TRIM2: variants seen among roughly 807,000 people sequenced by gnomAD.
TRIM2 encodes tripartite motif-containing protein 2.
In TRIM2, 20 loss-of-function variants were observed where a neutral mutation model predicts 75.2. The observed-to-expected ratio is 0.27, with a 90% confidence interval of 0.19 to 0.39. The LOEUF (loss-of-function observed/expected upper bound fraction) is 0.39. TRIM2 is among the 10% of genes least tolerant of loss of function. The pLI is 1.00. For missense variants in TRIM2, 660 were observed against 990.8 expected (o/e 0.67, Z 4.48); for synonymous variants, 373 against 388.3 (o/e 0.96, Z 0.46).
intron 8 of TRIM2, among the ~76,000 whole-genome samples, chr4:153,320,764 C>G (rs887358887): frequency 6.6e-5 from 10 of 152,090 alleles, no homozygotes; most frequent in African/African-American, 2.2e-4. Context: ...TCCTGAGTAG[C>G]TGGAATTATA....
At chr4:153,268,055 G>C (rs1462696188) in intron 1 of TRIM2, among the ~76,000 whole-genome samples, 1 of 152,184 alleles carries the variant, frequency 6.6e-6, no homozygotes, top group Admixed American at 6.5e-5. Context: ...TCATAGAGGA[G>C]TCAAAGCGAG....
intron 1 of TRIM2, chr4:153,257,855 C>CTCTCA (rs1425383977): frequency 2.9e-6 from 1 of 342,006 alleles, no homozygotes; most frequent in Non-Finnish European, 5.8e-6. Flanking sequence ...CTCCCTTCAT[C>CTCTCA]TCTCATGGTG....
chr4:153,169,724 A>G (rs1168732142), intron 1 of TRIM2, among the ~76,000 whole-genome samples: 1 of 152,240 alleles, frequency 6.6e-6, no homozygotes, highest in East Asian at 1.9e-4. Flanking sequence ...TCACTCTAAC[A>G]TTGACAAAAG....
At chr4:153,172,208 G>A (rs1730947559) in intron 1 of TRIM2, among the ~76,000 whole-genome samples, 1 of 150,788 alleles carries the variant, frequency 6.6e-6, no homozygotes, top group Non-Finnish European at 1.5e-5. Flanking sequence ...TATTTTTTGA[G>A]ACAGAGTCTT....
rs915846497 is a variant in TRIM2, at chr4:153,339,029, T to C, written c.*4063T>C. On this transcript the variant is annotated 3_prime_UTR_variant, in exon 12 of 12. Coordinates refer to ENST00000338700, the MANE Select transcript of TRIM2 (RefSeq NM_015271.5). The stretch of plus-strand genomic sequence containing the variant: ...ATAGGTCTGTTTCATATGTTTTATG[T>C]ATAGAACACTAAGTCTTGCACTCTC... 11 of 985,582 alleles carry C rather than the reference T, an allele frequency of 1.1e-5. No homozygotes were observed. The highest frequency in any genetic ancestry group is 1.3e-5 in the Non-Finnish European group (11 of 829,836). 61.1% of individuals were successfully genotyped at this position (985,582 alleles called of 1,614,324 possible). A position where few individuals can be genotyped will look rare whatever the true frequency, so the allele number is the denominator to read the frequency against.
intron 1 of TRIM2, among the ~76,000 whole-genome samples, chr4:153,219,159 A>G (rs189575985): frequency 9.2e-5 from 14 of 152,294 alleles, no homozygotes; most frequent in Non-Finnish European, 1.8e-4. Flanking sequence ...TGATCTTATG[A>G]CAGAATGAAA....
chr4:153,295,340 C>A lies in TRIM2; in HGVS notation c.814C>A (p.Leu272Ile). ...CCTCCAGTCGCAGCTGGATACTCTG[C>A]TCCAGGGGCAGGAGAGCATTAAGAG... Reference protein sequence around the residue: ...KVLQSQLDTLLQGQESIKSCS... With the variant: ...KVLQSQLDTLIQGQESIKSCS... The change falls in exon 6 of 12, where the codon CTC becomes ATC. Residue 272 changes from leucine to isoleucine, a missense_variant. Coordinates refer to ENST00000338700, the MANE Select transcript of TRIM2 (RefSeq NM_015271.5). This position sits in a 1 kb window ranked among gnomAD's most constrained non-coding sequence, Gnocchi z 7.2. The A allele has an allele frequency of 6.2e-7, 1 of 1,609,664 alleles. No individual in the cohort carries two copies. The highest frequency in any genetic ancestry group is 1.1e-5 in the South Asian group (1 of 90,254).
intron 4 of TRIM2, among the ~76,000 whole-genome samples, chr4:153,294,019 G>C (rs1335929718): frequency 6.6e-6 from 1 of 152,020 alleles, no homozygotes; most frequent in Non-Finnish European, 1.5e-5. Context: ...AATTAACCTG[G>C]CCAGAATGGC....
chr4:153,176,382 T>C (rs997945035), intron 1 of TRIM2, among the ~76,000 whole-genome samples: 1 of 151,770 alleles, frequency 6.6e-6, no homozygotes, highest in East Asian at 2.0e-4. Context: ...GAGTCCAAAA[T>C]GTTGAGGCTG....
intron 8 of TRIM2, among the ~76,000 whole-genome samples, chr4:153,321,663 G>A (rs903639487): frequency 6.6e-6 from 1 of 152,126 alleles, no homozygotes; most frequent in Admixed American, 6.5e-5. Context: ...TTGCCCCTGA[G>A]TACACAATGG....
At chr4:153,244,593 G>C (rs548062192) in intron 1 of TRIM2, among the ~76,000 whole-genome samples, 1 of 150,960 alleles carries the variant, frequency 6.6e-6, no homozygotes, top group Admixed American at 6.6e-5. Context: ...ACAAAAATTT[G>C]ATTCTTGGAA....
At chr4:153,304,798 G>A (rs114509648) in intron 6 of TRIM2, among the ~76,000 whole-genome samples, 105 of 152,310 alleles carry the variant, frequency 6.9e-4, no homozygotes, top group Non-Finnish European at 1.4e-3. Flanking sequence ...GCAAGCTCCA[G>A]TGCTACTTAT....
intron 1 of TRIM2, among the ~76,000 whole-genome samples, chr4:153,213,363 AT>A (rs1004299039): frequency 1.3e-5 from 2 of 152,106 alleles, no homozygotes; most frequent in African/African-American, 4.8e-5. Flanking sequence ...ACTTGTTTCA[AT>A]TTTTTTCTAT....
chr4:153,269,297 G>A (rs1756049406), intron 1 of TRIM2, among the ~76,000 whole-genome samples: 2 of 152,180 alleles, frequency 1.3e-5, no homozygotes, highest in South Asian at 4.1e-4. Context: ...GACTCCTGGG[G>A]CAGTAAATTG....
Position 153,335,036 on chromosome 4 carries a change from C to A in TRIM2, c.*70C>A. ...CTGGAATGGATTTCTCAATGCGGGA[C>A]CAGATTATGACTAGAGTTTTTATGC... On this transcript the variant is annotated 3_prime_UTR_variant, in exon 12 of 12. Transcript: ENST00000338700. 2 of 1,425,898 alleles carry A rather than the reference C, an allele frequency of 1.4e-6. No homozygotes were observed. The highest frequency in any genetic ancestry group is 1.9e-6 in the Non-Finnish European group (2 of 1,072,782). The allele number at this position is 1,425,898 out of a possible 1,614,324, so 88.3% of individuals were successfully genotyped here. A position where few individuals can be genotyped will look rare whatever the true frequency, so the allele number is the denominator to read the frequency against.
intron 1 of TRIM2, among the ~76,000 whole-genome samples, chr4:153,215,281 C>T (rs1738166239): frequency 6.6e-6 from 1 of 152,164 alleles, no homozygotes; most frequent in Non-Finnish European, 1.5e-5. Context: ...CTCTCCTCCA[C>T]ATAGGCCCAC....
At chr4:153,199,940 ATTTT>A (rs34958420), upstream of TRIM2, among the ~76,000 whole-genome samples, 1 of 122,186 alleles carries the variant, frequency 8.2e-6, no homozygotes, top group Non-Finnish European at 1.6e-5. Flanking sequence ...TGGCCAGCTA[ATTTT>A]TTTTTTTTTT....
intron 1 of TRIM2, among the ~76,000 whole-genome samples, chr4:153,267,652 A>G (rs1427861086): frequency 6.6e-6 from 1 of 152,240 alleles, no homozygotes; most frequent in Non-Finnish European, 1.5e-5. Flanking sequence ...CTCCATCTCA[A>G]AAAATAATAG....
chr4:153,315,211 A>G (rs903833007), intron 6 of TRIM2, among the ~76,000 whole-genome samples: 2 of 152,222 alleles, frequency 1.3e-5, no homozygotes, highest in African/African-American at 4.8e-5. Flanking sequence ...TGTGGGATCT[A>G]AGAATATTTT....
Sources: gnomAD v4.1 joint callset for allele counts (sites outside exome capture counted in the v4.1 genomes callset) on GRCh38, gnomAD v4.1.1 for gene constraint, Gnocchi (gnomAD v3.1) non-coding constraint, MANE v1.5 for transcripts, NCBI Gene and HGNC (gene_info 2026-07-23, HGNC 2026-07-21) for gene names.